The following EMSY variants were observed in gnomAD, a reference collection of about 807,000 sequenced individuals.
EMSY encodes the protein BRCA2-interacting transcriptional repressor EMSY.
In EMSY, 26 loss-of-function variants were observed where a neutral mutation model predicts 134.6. That is an observed-to-expected ratio of 0.19 (90% CI 0.14 to 0.27). The LOEUF is 0.27. Ranked by LOEUF, EMSY falls within the 10% of genes least tolerant of loss-of-function variation. The pLI is 1.00. For missense variants in EMSY, 1,305 were observed against 1,611.4 expected, an observed-to-expected ratio of 0.81 and a Z score of 3.26; for synonymous variants, 579 against 577.8, an observed-to-expected ratio of 1.00 and a Z score of -0.03.
At chr11:76,446,042 C>T (rs1384509348) in intron 1 of EMSY, among the ~76,000 whole-genome samples, 2 of 152,092 alleles carry the variant, frequency 1.3e-5, no homozygotes, top group African/African-American at 2.4e-5. Flanking sequence ...CTAGGCTAGA[C>T]AGTGAGCTCG....
At chr11:76,463,492 G>A (rs1012402394) in intron 6 of EMSY, among the ~76,000 whole-genome samples, 19 of 151,968 alleles carry the variant, frequency 1.3e-4, no homozygotes, top group Non-Finnish European at 1.0e-4. Flanking sequence ...GCGCGGTGGC[G>A]GGTGCCTGTA....
chr11:76,452,207 A>C (rs1308469841), intron 3 of EMSY, among the ~76,000 whole-genome samples: 1 of 152,216 alleles, frequency 6.6e-6, no homozygotes, highest in Non-Finnish European at 1.5e-5. Flanking sequence ...AAAGACTTGA[A>C]GGCAGTTTAT....
intron 18 of EMSY, among the ~76,000 whole-genome samples, chr11:76,543,997 G>T (rs978737208): frequency 6.6e-6 from 1 of 152,108 alleles, no homozygotes; most frequent in Admixed American, 6.5e-5. Context: ...GTGCTTGCAG[G>T]GCCATCTTAT....
exon 3 of EMSY, chr11:76,451,868 A>G (rs769408610): frequency 1.9e-6 from 3 of 1,571,034 alleles, no homozygotes; most frequent in Admixed American, 4.0e-5. Flanking sequence ...AATTGGAGGC[A>G]TATGCTGGAG....
At chr11:76,545,020 A>C (rs547440113) in intron 19 of EMSY, among the ~76,000 whole-genome samples, 198 bp downstream of exon 20, 1 of 152,308 alleles carries the variant, frequency 6.6e-6, no homozygotes, top group South Asian at 2.1e-4. Context: ...TGTAGGAAGA[A>C]AAAAAAGCAT....
intron 11 of EMSY, among the ~76,000 whole-genome samples, chr11:76,517,029 A>T (rs1317301773): frequency 6.6e-6 from 1 of 152,086 alleles, no homozygotes; most frequent in African/African-American, 2.4e-5. Flanking sequence ...GTTTTCATCG[A>T]TTATTATTTT....
Position 76,498,606 on chromosome 11 carries a change from CTA to C in EMSY, c.1363+2139_1363+2140del, listed in dbSNP as rs553806190. Reference sequence around the variant, plus strand: ...TTCCTTTTTTTCTGCAATTAATTCTCTATTTTTTTTAAATATAAAGGCTGATT... The same window carrying C: ...TTCCTTTTTTTCTGCAATTAATTCTCTTTTTTTTAAATATAAAGGCTGATT... On this transcript the variant is annotated intron_variant, in intron 9 of 20. Transcript: ENST00000334736. 2.2e-4 allele frequency among the ~76,000 whole-genome samples: 32 copies of C among 143,140 alleles called. 1 individual carries two copies. Among genetic ancestry groups the C allele is most frequent in the Admixed American group, 2.1e-3 (31 of 14,576 alleles). The allele number at this position is 143,140 out of a possible 152,430, so 93.9% of individuals were successfully genotyped here. A position where few individuals can be genotyped will look rare whatever the true frequency, so the allele number is the denominator to read the frequency against.
chr11:76,483,661 C>T (rs1949068108), intron 8 of EMSY, among the ~76,000 whole-genome samples: 1 of 152,124 alleles, frequency 6.6e-6, no homozygotes, highest in Non-Finnish European at 1.5e-5. Context: ...AAGGGCATTA[C>T]ATAATGGTAA....
At chr11:76,548,530 A>G (rs1951733819) in intron 20 of EMSY, among the ~76,000 whole-genome samples, 1 of 152,196 alleles carries the variant, frequency 6.6e-6, no homozygotes, top group Admixed American at 6.5e-5. Context: ...TAGAACTGCA[A>G]CGATCTTCAC....
chr11:76,461,732 G>C (rs1167901346), intron 6 of EMSY, among the ~76,000 whole-genome samples: 1 of 152,080 alleles, frequency 6.6e-6, no homozygotes, highest in South Asian at 2.1e-4. Context: ...AGGCGTTCGA[G>C]ACTAACCTGG....
Position 76,497,878 on chromosome 11 carries a change from C to T in EMSY, c.1363+1409C>T, listed in dbSNP as rs116536538. On this transcript the variant is annotated intron_variant, in intron 9 of 20. Coordinates refer to ENST00000334736, the Ensembl canonical transcript of EMSY. ...CTACTTTCTTTAGGTTTATTTTGCT[C>T]TTCTAATTTCTTAAGGTGGGAACTT... Among the ~76,000 whole-genome samples, 629 of 152,004 alleles carry T rather than the reference C, an allele frequency of 4.1e-3. 6 individuals carry two copies. Among genetic ancestry groups the T allele is most frequent in the African/African-American group, 0.015 (602 of 41,490 alleles).
At chr11:76,487,649 T>C (rs1012158480) in intron 8 of EMSY, among the ~76,000 whole-genome samples, 2 of 152,266 alleles carry the variant, frequency 1.3e-5, no homozygotes, top group African/African-American at 4.8e-5. Context: ...ACACCTTTGC[T>C]TTCTGATGGT....
chr11:76,545,761 G>A (rs1951622478), intron 19 of EMSY, 36 bp from the exon 21 acceptor site: 1 of 1,553,816 alleles, frequency 6.4e-7, no homozygotes, highest in Non-Finnish European at 8.7e-7. Flanking sequence ...TCAAAGAGAT[G>A]TAGCTATAAC....
intron 10 of EMSY, among the ~76,000 whole-genome samples, chr11:76,515,881 C>G (rs535087755): frequency 2.0e-5 from 3 of 152,250 alleles, no homozygotes; most frequent in Middle Eastern, 3.4e-3. Flanking sequence ...AGAGTTAACT[C>G]TACTTTTTCT....
At chr11:76,507,865 C>CTTTTTTTTTTTTTTTTT (rs55756987) in intron 9 of EMSY, among the ~76,000 whole-genome samples, 35 of 118,602 alleles carry the variant, frequency 3.0e-4, no homozygotes, top group Non-Finnish European at 3.5e-4. Flanking sequence ...TTTTCTTTTT[C>CTTTTTTTTTTTTTTTTT]TTTTTTTTTT....
At chr11:76,514,308 G>A (rs1203415560) in intron 10 of EMSY, among the ~76,000 whole-genome samples, 4 of 152,160 alleles carry the variant, frequency 2.6e-5, no homozygotes, top group Admixed American at 6.5e-5. Flanking sequence ...AGCCATTACC[G>A]TTATTTTAAA....
intron 11 of EMSY, among the ~76,000 whole-genome samples, chr11:76,518,905 G>A (rs960626359): frequency 2.7e-5 from 4 of 149,242 alleles, no homozygotes; most frequent in Non-Finnish European, 5.9e-5. Flanking sequence ...ATTCTATGAC[G>A]AACATTATTA....
chr11:76,518,169 T>TTC (rs1439426433), intron 11 of EMSY, among the ~76,000 whole-genome samples: 1 of 143,968 alleles, frequency 6.9e-6, no homozygotes, highest in African/African-American at 2.5e-5. Flanking sequence ...AGTACTTTCT[T>TTC]TTTTTTTTTT....
At chr11:76,494,785 G>C (rs1949583239) in intron 8 of EMSY, among the ~76,000 whole-genome samples, 1 of 150,450 alleles carries the variant, frequency 6.6e-6, no homozygotes, top group Admixed American at 6.7e-5. Context: ...GCCCAGGCTG[G>C]AGTGCAGTAA....
Sources: gnomAD v4.1 joint callset for allele counts (sites outside exome capture counted in the v4.1 genomes callset) on GRCh38, gnomAD v4.1.1 for gene constraint, MANE v1.5 for transcripts, NCBI Gene and HGNC (gene_info 2026-07-23, HGNC 2026-07-21) for gene names.